RUNX1: variants seen among roughly 807,000 people sequenced by gnomAD.
The protein encoded by RUNX1 is RUNX family transcription factor 1.
Under a neutral mutation model 42.8 loss-of-function variants are expected in RUNX1, and 19 were observed. The ratio of observed to expected loss-of-function variants is 0.44; its 90% CI spans 0.31 to 0.65. The LOEUF (loss-of-function observed/expected upper bound fraction) is 0.65, where lower values mean the gene tolerates loss of function less well. RUNX1 is among the 30% of genes least tolerant of loss of function. RUNX1 has a pLI of 0.07. For synonymous variants in RUNX1, 271 were observed against 289.4 expected (o/e 0.94, Z 0.64); for missense variants, 528 against 672.0 (o/e 0.79, Z 2.37).
chr21:34,937,747 G>A (rs535530482), intron 2 of RUNX1, among the ~76,000 whole-genome samples: 1 of 151,752 alleles, frequency 6.6e-6, no homozygotes, highest in African/African-American at 2.4e-5. Flanking sequence ...TGTTGCCTGG[G>A]TGCAGGAAGA....
intron 2 of RUNX1, among the ~76,000 whole-genome samples, chr21:34,984,469 AG>A (rs2058870252): frequency 6.6e-6 from 1 of 152,168 alleles, no homozygotes; most frequent in Admixed American, 6.5e-5. Flanking sequence ...TCTGTGGGGG[AG>A]GCCACTGCAA....
intron 2 of RUNX1, among the ~76,000 whole-genome samples, chr21:35,047,376 C>A (rs1304684644): frequency 1.3e-5 from 2 of 152,072 alleles, no homozygotes; most frequent in African/African-American, 4.8e-5. Flanking sequence ...GACTAACGCA[C>A]GTCTGCATGA....
intron 7 of RUNX1, among the ~76,000 whole-genome samples, chr21:34,802,985 G>T (rs2834638): frequency 6.6e-6 from 1 of 152,092 alleles, no homozygotes; most frequent in South Asian, 2.1e-4. Context: ...CTTTATGATT[G>T]TATTACTAAA....
intron 2 of RUNX1, among the ~76,000 whole-genome samples, chr21:35,009,730 G>A (rs1030514402): frequency 6.6e-6 from 1 of 152,110 alleles, no homozygotes; most frequent in South Asian, 2.1e-4. Flanking sequence ...GACACACCAT[G>A]CTTCTGATTT....
intron 2 of RUNX1, 111 bp downstream of exon 2, chr21:35,048,731 C>G (rs2059418157): frequency 3.4e-6 from 3 of 871,698 alleles, no homozygotes; most frequent in Non-Finnish European, 5.9e-6. Context: ...ACAAACAAGA[C>G]AGGGAACTGG....
At chr21:34,969,856 T>C (rs1028316261) in intron 2 of RUNX1, among the ~76,000 whole-genome samples, 5 of 152,074 alleles carry the variant, frequency 3.3e-5, no homozygotes, top group African/African-American at 1.2e-4. Context: ...GACAAAAGAC[T>C]GGTGTCACGC....
chr21:34,821,576 ATCTT>A, intron 7 of RUNX1: 1 of 1,545,156 alleles, frequency 6.5e-7, no homozygotes, highest in Non-Finnish European at 8.8e-7. Context: ...GAGGGCTGTC[ATCTT>A]TCTTCTGAGT....
At chr21:34,807,957 T>C (rs556413863) in intron 7 of RUNX1, among the ~76,000 whole-genome samples, 162 of 152,348 alleles carry the variant, frequency 1.1e-3, no homozygotes, top group African/African-American at 3.7e-3. Context: ...AAGCAGTGTT[T>C]CCTCTGGCCT....
rs112472664 is a variant in RUNX1, at chr21:34,975,637, TA to T, written c.58+73204del. Among the ~76,000 whole-genome samples the T allele has an allele frequency of 4.3e-3, 658 of 152,278 alleles. 9 individuals are homozygous for T. The highest frequency in any genetic ancestry group is 0.015 in the African/African-American group (637 of 41,542). On this transcript the variant is annotated intron_variant, in intron 2 of 8. Coordinates refer to ENST00000675419, the MANE Select transcript of RUNX1 (RefSeq NM_001754.5). ...AACAATAGTGTGTGGTGGAAAGTGC[TA>T]AACTTCCTAAAAGTTGTCCAAATGG...
At chr21:34,938,966 C>T (rs933570556) in intron 2 of RUNX1, among the ~76,000 whole-genome samples, 1 of 152,162 alleles carries the variant, frequency 6.6e-6, no homozygotes, top group African/African-American at 2.4e-5. Context: ...ATAGTTACAA[C>T]ATTTTTCTAG....
At chr21:34,847,190 T>C (rs890534165) in intron 6 of RUNX1, among the ~76,000 whole-genome samples, 1 of 152,232 alleles carries the variant, frequency 6.6e-6, no homozygotes, top group South Asian at 2.1e-4. Flanking sequence ...AGTATATTCA[T>C]ATAAAACTCA....
intron 2 of RUNX1, among the ~76,000 whole-genome samples, chr21:35,041,817 G>A (rs1479739367): frequency 6.6e-6 from 1 of 151,374 alleles, no homozygotes; most frequent in East Asian, 1.9e-4. Flanking sequence ...CTAGATAGAG[G>A]GCAATTATCT....
intron 2 of RUNX1, among the ~76,000 whole-genome samples, chr21:34,990,784 G>T (rs955559815): frequency 1.3e-5 from 2 of 152,032 alleles, no homozygotes; most frequent in African/African-American, 4.8e-5. Flanking sequence ...TAGAGACAGG[G>T]TTTACCATGT....
intron 2 of RUNX1, among the ~76,000 whole-genome samples, chr21:35,046,015 G>A (rs2147029766): frequency 6.6e-6 from 1 of 152,232 alleles, no homozygotes; most frequent in Admixed American, 6.5e-5. Flanking sequence ...TACGTGCCGA[G>A]GCTTTTCCTC....
chr21:34,805,916 G>A (rs1045682259), intron 7 of RUNX1, among the ~76,000 whole-genome samples: 1 of 152,180 alleles, frequency 6.6e-6, no homozygotes. Context: ...GTTATTTGAT[G>A]CTAGATGTAG....
intron 2 of RUNX1, among the ~76,000 whole-genome samples, chr21:35,040,605 C>T (rs1165525781): frequency 6.6e-6 from 1 of 151,582 alleles, no homozygotes; most frequent in Admixed American, 6.6e-5. Context: ...AAACCTGTCT[C>T]TACTAAAAAT....
chr21:34,826,767 A>G (rs1172647108), intron 7 of RUNX1, among the ~76,000 whole-genome samples: 1 of 152,124 alleles, frequency 6.6e-6, no homozygotes, highest in Admixed American at 6.5e-5. Context: ...TATTTTCTTT[A>G]TAAATTACCC....
chr21:35,001,118 C>G (rs1166707486), intron 2 of RUNX1, among the ~76,000 whole-genome samples: 1 of 152,144 alleles, frequency 6.6e-6, no homozygotes, highest in South Asian at 2.1e-4. Flanking sequence ...GGTTTTACCT[C>G]CAAAACAGTC....
intron 6 of RUNX1, among the ~76,000 whole-genome samples, chr21:34,855,823 T>C (rs1310968443): frequency 6.6e-6 from 1 of 152,258 alleles, no homozygotes; most frequent in Non-Finnish European, 1.5e-5. Flanking sequence ...AACAAGCTAC[T>C]AAGTGCTCTA....
Sources: gnomAD v4.1 joint callset for allele counts (sites outside exome capture counted in the v4.1 genomes callset) on GRCh38, gnomAD v4.1.1 for gene constraint, MANE v1.5 for transcripts, NCBI Gene and HGNC (gene_info 2026-07-23, HGNC 2026-07-21) for gene names.